CRHR1: variants seen among roughly 807,000 people sequenced by gnomAD.
The protein encoded by CRHR1 is corticotropin releasing hormone receptor 1, also known as corticotropin-releasing hormone receptor 1.
Under a neutral mutation model 56.0 loss-of-function variants are expected in CRHR1, and 28 were observed. That is an observed-to-expected ratio of 0.50 (90% CI 0.37 to 0.69). The LOEUF is 0.69. CRHR1 is among the 30% of genes least tolerant of loss of function. The probability of loss-of-function intolerance (pLI) is 0.00; values close to 1 mark genes in which losing one functional copy is unlikely to be tolerated. For missense variants in CRHR1, 376 were observed against 548.0 expected, an observed-to-expected ratio of 0.69 and a Z score of 3.13; for synonymous variants, 195 against 216.5, an observed-to-expected ratio of 0.90 and a Z score of 0.87.
Position 45,784,370 on chromosome 17 carries a change from G to A in CRHR1, c.-175G>A, listed in dbSNP as rs1258940500. On this transcript the variant is annotated 5_prime_UTR_variant, in exon 1 of 13. Coordinates refer to ENST00000314537, the MANE Select transcript of CRHR1 (RefSeq NM_004382.5). The surrounding 1 kb of genome is among the most constrained non-coding windows in gnomAD (Gnocchi z 4.2). ...GGAAGGGGCGAGCGAGAGCCGGGCC[G>A]GGCCGGGCCGGGCCGCGGGGCCGGG... is the stretch of plus-strand genomic sequence containing the variant. 1.1e-5 allele frequency: 4 copies of A among 380,600 alleles called. No homozygotes were observed. Among genetic ancestry groups the A allele is most frequent in the African/African-American group, 2.1e-5 (1 of 46,588 alleles). 23.6% of individuals were successfully genotyped at this position (380,600 alleles called of 1,614,324 possible).
chr17:45,819,840 A>C (rs1192189326), intron 3 of CRHR1, among the ~76,000 whole-genome samples: 3 of 152,176 alleles, frequency 2.0e-5, no homozygotes, highest in Non-Finnish European at 4.4e-5. Flanking sequence ...GAGTAGTGCG[A>C]GAGAGGAGAG....
chr17:45,786,065 A>G (rs2061330301), intron 1 of CRHR1, among the ~76,000 whole-genome samples: 2 of 151,982 alleles, frequency 1.3e-5, no homozygotes, highest in African/African-American at 4.8e-5. Flanking sequence ...TGCACAAACC[A>G]GTTAGACCAA....
chr17:45,813,575 G>A (rs564207329), intron 2 of CRHR1, among the ~76,000 whole-genome samples: 19 of 152,336 alleles, frequency 1.2e-4, no homozygotes, highest in African/African-American at 4.6e-4. Context: ...AGGGGGAGGC[G>A]CGGCGCTGCT....
At chr17:45,829,563 C>A in intron 5 of CRHR1, 1 of 1,549,078 alleles carries the variant, frequency 6.5e-7, no homozygotes, top group Non-Finnish European at 8.7e-7. Context: ...ATACCCAGGC[C>A]AGGCTGCACC....
chr17:45,815,533 A>G (rs552763665), intron 2 of CRHR1, among the ~76,000 whole-genome samples: 18 of 152,346 alleles, frequency 1.2e-4, no homozygotes, highest in African/African-American at 4.3e-4. Context: ...TGAGAATCTA[A>G]TGAAAGCCGT....
chr17:45,819,972 G>A lies in CRHR1; in HGVS notation c.242-1383G>A, dbSNP rs557772089. 2.6e-5 allele frequency among the ~76,000 whole-genome samples: 4 copies of A among 152,314 alleles called. No homozygotes were observed. In the South Asian group the frequency reaches 8.3e-4, roughly 32 times the overall value. The stretch of plus-strand genomic sequence containing the variant: ...GGTCCCTTGGGGATCAGCCAGTCCA[G>A]CCCCTCCTTTTATAAATGAGAAGGG... On this transcript the variant is annotated intron_variant, in intron 3 of 12. Transcript: ENST00000314537.
intron 9 of CRHR1, 110 bp downstream of exon 9, chr17:45,833,320 G>C (rs1052162629): frequency 2.1e-6 from 3 of 1,454,128 alleles, no homozygotes; most frequent in Admixed American, 3.4e-5. Context: ...ACCCAAAGAG[G>C]GGGCATGGGT....
At chr17:45,823,129 C>G (rs1277399799) in intron 4 of CRHR1, among the ~76,000 whole-genome samples, 4 of 143,294 alleles carry the variant, frequency 2.8e-5, no homozygotes, top group Non-Finnish European at 4.5e-5. Flanking sequence ...GGCGACAGAG[C>G]AAGACTCTGT....
chr17:45,797,319 C>T (rs1363700936), intron 1 of CRHR1, among the ~76,000 whole-genome samples: 2 of 113,060 alleles, frequency 1.8e-5, no homozygotes, highest in Non-Finnish European at 3.3e-5. Flanking sequence ...GAGACGGAGT[C>T]TCGCTGTGTC....
chr17:45,829,775 C>A (rs2062252039), intron 5 of CRHR1: 1 of 1,027,256 alleles, frequency 9.7e-7, no homozygotes, highest in Non-Finnish European at 1.5e-6. Context: ...ACTGTCCATC[C>A]TGGAATGGCA....
At position 45,835,782 on chromosome 17, in the gene CRHR1, G is replaced by C. The variant is rs951368802; in HGVS notation, c.*1018G>C. 11 of 152,400 alleles carry C rather than the reference G, an allele frequency of 7.2e-5. No individual in the cohort carries two copies. The highest frequency in any genetic ancestry group is 5.2e-4 in the Admixed American group (8 of 15,288). 9.4% of individuals were successfully genotyped at this position (152,400 alleles called of 1,614,324 possible). On this transcript the variant is annotated 3_prime_UTR_variant, in exon 13 of 13. Transcript: ENST00000314537. ...GCACTAGAAGATGAGGGTGTCGGCT[G>C]TGAGGCGGGTGGCTGGTATAAATAA...
intron 8 of CRHR1, among the ~76,000 whole-genome samples, chr17:45,831,191 C>T (rs2062301169): frequency 7.6e-6 from 1 of 132,106 alleles, no homozygotes; most frequent in South Asian, 2.2e-4. Context: ...CAGCCTGGAG[C>T]CAGACTGCCC....
At chr17:45,834,338 G>T (rs1319722907) in intron 12 of CRHR1, among the ~76,000 whole-genome samples, 1 of 152,238 alleles carries the variant, frequency 6.6e-6, no homozygotes, top group Admixed American at 6.5e-5. Context: ...CCTGGGCAGG[G>T]GATACATGTG....
rs1568043629 is a variant in CRHR1 at position 45,807,015 on chromosome 17, T to G, written c.39T>G (p.Leu13=). 10 of 1,613,816 alleles carry G rather than the reference T, an allele frequency of 6.2e-6. No homozygotes were observed. The highest frequency in any genetic ancestry group is 8.5e-6 in the Non-Finnish European group (10 of 1,179,952). ...GHPQLRLVKA[L]LLLGLNPVSA... is the part of the protein sequence containing the mutation. ...TTCGCCTCCTGTGCCTGCAGGCCCTTCTCCTTCTGGGGCTGAACCCCGTCT... is the reference window on the plus strand; with the variant it reads ...TTCGCCTCCTGTGCCTGCAGGCCCTGCTCCTTCTGGGGCTGAACCCCGTCT... Residue 13 remains leucine (L), a synonymous_variant, in exon 2 of 13, where the codon CTT becomes CTG. Transcript: ENST00000314537.
At chr17:45,828,731 G>T (rs774981542) in intron 4 of CRHR1, among the ~76,000 whole-genome samples, 4 of 152,230 alleles carry the variant, frequency 2.6e-5, no homozygotes, top group African/African-American at 9.6e-5. Flanking sequence ...GCTCACAGGA[G>T]CAGGCGGCAT....
intron 1 of CRHR1, among the ~76,000 whole-genome samples, chr17:45,786,427 A>G: frequency 6.6e-6 from 1 of 152,106 alleles, no homozygotes; most frequent in East Asian, 1.9e-4. Context: ...TGTAGCATGT[A>G]CAATTCACTG....
At chr17:45,798,648 G>A (rs1465508228) in intron 1 of CRHR1, among the ~76,000 whole-genome samples, 2 of 151,828 alleles carry the variant, frequency 1.3e-5, no homozygotes, top group African/African-American at 4.8e-5. Flanking sequence ...GGGGTCTCAT[G>A]GCCCTTGCTG....
At position 45,807,828 on chromosome 17, in the gene CRHR1, C is replaced by T. The variant is rs545312948; in HGVS notation, c.121+731C>T. ...ATCCTCACAAGAGTGTAAAGCCGAA[C>T]GTTTGTACAGTTGAGGAAACTGAGG... On this transcript the variant is annotated intron_variant, in intron 2 of 12. Transcript: ENST00000314537. Among the ~76,000 whole-genome samples the T allele has an allele frequency of 5.9e-5, 9 of 152,306 alleles. No individual in the cohort carries two copies. In the East Asian group the frequency reaches 9.6e-4, roughly 16 times the overall value.
intron 2 of CRHR1, among the ~76,000 whole-genome samples, chr17:45,816,005 T>C (rs1453983276): frequency 6.6e-6 from 1 of 152,136 alleles, no homozygotes; most frequent in African/African-American, 2.4e-5. Context: ...CCAGGGTAGA[T>C]GTGGTTTGAT....
Sources: allele counts gnomAD v4.1 joint callset (sites outside exome capture counted in the v4.1 genomes callset), GRCh38; gene constraint gnomAD v4.1.1; non-coding constraint Gnocchi (gnomAD v3.1); transcripts MANE v1.5; gene names NCBI Gene and HGNC (gene_info 2026-07-23, HGNC 2026-07-21).